ATP1A4: variants seen among roughly 807,000 people sequenced by gnomAD.
The protein encoded by ATP1A4 is sodium/potassium-transporting ATPase subunit alpha-4.
ATP1A4 carries 90 observed loss-of-function variants against 114.3 expected under a neutral mutation model. The observed-to-expected ratio is 0.79, with a 90% CI of 0.66 to 0.94. The LOEUF (loss-of-function observed/expected upper bound fraction) is 0.94. ATP1A4 is among the 40% of genes least tolerant of loss of function. The pLI, the probability that ATP1A4 is intolerant of heterozygous loss-of-function variation, is 0.00. For missense variants in ATP1A4, 1,222 were observed against 1,313.6 expected (o/e 0.93, Z 1.08); for synonymous variants, 511 against 494.1 (o/e 1.03, Z -0.45).
chr1:160,177,278 T>A, intron 17 of ATP1A4: 2 of 468,288 alleles, frequency 4.3e-6, no homozygotes, highest in Non-Finnish European at 7.5e-6. Context: ...TTTAAGACCA[T>A]GTGATTCAAA....
intron 2 of ATP1A4, 99 bp from the exon 3 acceptor site, chr1:160,154,946 T>C: frequency 8.6e-7 from 1 of 1,163,304 alleles, no homozygotes; most frequent in Non-Finnish European, 1.3e-6. Context: ...GTCTTTAGTC[T>C]CTAGACCCAT....
Position 160,182,016 on chromosome 1 carries a change from G to GAATGTACCCACTCA in ATP1A4, c.2956_2969dup (p.Ile991CysfsTer6), listed in dbSNP as rs1387106312. 1.9e-6 allele frequency: 3 copies of GAATGTACCCACTCA among 1,613,776 alleles called. No individual in the cohort carries two copies. The African/African-American group carries it at 4.0e-5, about 22-fold the overall frequency. ...ACTCCAGGCATGGACGTGGCCCTGC[G>GAATGTACCCACTCA]AATGTACCCACTCAAGTGAGTAAGG... On this transcript the variant is annotated frameshift_variant, in exon 20 of 22. Transcript: ENST00000368081. LOFTEE classifies it high-confidence loss of function.
intron 10 of ATP1A4, 92 bp downstream of exon 10, chr1:160,167,504 T>C: frequency 1.3e-6 from 2 of 1,543,338 alleles, no homozygotes; most frequent in Non-Finnish European, 1.8e-6. Context: ...CAACTTCACC[T>C]CGGAGAAGCA....
At position 160,180,921 on chromosome 1, in the gene ATP1A4, A is replaced by G. The variant is rs1044219939; in HGVS notation, c.2737-763A>G. Reference sequence around the variant, plus strand: ...AGTAGAGACGGGGTTTCATTGTGTTAGCCAGGATGGTCTTGATCTCCTGAC... The same window carrying G: ...AGTAGAGACGGGGTTTCATTGTGTTGGCCAGGATGGTCTTGATCTCCTGAC... On this transcript the variant is annotated intron_variant, in intron 18 of 21. Coordinates refer to ENST00000368081, the MANE Select transcript of ATP1A4 (RefSeq NM_144699.4). Among the ~76,000 whole-genome samples the G allele has an allele frequency of 2.4e-4, 36 of 151,536 alleles. 1 individual carries two copies. The highest frequency in any genetic ancestry group is 1.5e-5 in the Non-Finnish European group (1 of 67,904).
intron 6 of ATP1A4, among the ~76,000 whole-genome samples, chr1:160,160,863 T>C (rs1652842682): frequency 6.6e-6 from 1 of 152,180 alleles, no homozygotes; most frequent in South Asian, 2.1e-4. Flanking sequence ...ATATTAAAAA[T>C]GTTTTAAAAT....
intron 17 of ATP1A4, 77 bp from the exon 18 acceptor site, chr1:160,177,442 C>T: frequency 1.3e-6 from 2 of 1,538,640 alleles, no homozygotes; most frequent in Non-Finnish European, 1.8e-6. Flanking sequence ...GTCCCAGCCC[C>T]CAGCCCTCCC....
Position 160,176,094 on chromosome 1 carries a change from C to T in ATP1A4, c.2314C>T (p.Arg772Cys), listed in dbSNP as rs771145204. The T allele has an allele frequency of 9.9e-6, 16 of 1,613,944 alleles. No homozygotes were observed. Among genetic ancestry groups the T allele is most frequent in the Admixed American group, 6.7e-5 (4 of 59,996 alleles). ...ASIVTGVEEGRLIFDNLKKSI... is the reference protein window; with the variant it reads ...ASIVTGVEEGCLIFDNLKKSI... ...AGGAGGTTGACCTTCCTCCCCAGGC[C>T]GCCTGATCTTTGACAACCTGAAGAA... The change falls in exon 16 of 22, where the codon CGC becomes TGC. Residue 772 changes from arginine (R) to cysteine (C), a missense_variant and splice_region_variant. Transcript: ENST00000368081.
intron 6 of ATP1A4, among the ~76,000 whole-genome samples, chr1:160,163,219 CCAA>C (rs1652918832): frequency 6.6e-6 from 1 of 152,078 alleles, no homozygotes; most frequent in South Asian, 2.1e-4. Flanking sequence ...ACTTCTGTGT[CCAA>C]CATGTGTAGA....
chr1:160,186,092 A>AAAAAAAAAAAAAAAAAAAAC (rs1653881180), intron 20 of ATP1A4, among the ~76,000 whole-genome samples, 184 bp from the exon 21 acceptor site: 1 of 146,480 alleles, frequency 6.8e-6, no homozygotes. Context: ...GTCGCAAAAA[A>AAAAAAAAAAAAAAAAAAAAC]AAAAAAAAAA....
chr1:160,186,424 C>T lies in ATP1A4; in HGVS notation c.3061+57C>T. 4.4e-6 allele frequency: 6 copies of T among 1,363,478 alleles called. No homozygotes were observed. The South Asian group carries it at 7.4e-5, about 17-fold the overall frequency. The allele number at this position is 1,363,478 out of a possible 1,614,324, so 84.5% of individuals were successfully genotyped here. A position where few individuals can be genotyped will look rare whatever the true frequency, so the allele number is the denominator to read the frequency against. On this transcript the variant is annotated intron_variant, in intron 21 of 21. Transcript: ENST00000368081. ...GTGGTCACCAGCCCCCTCACTAGCT[C>T]TCCCATCCCACCTAGTCCCTCCAGA... is the stretch of plus-strand genomic sequence containing the variant.
intron 2 of ATP1A4, among the ~76,000 whole-genome samples, chr1:160,154,475 C>A (rs1473537169): frequency 2.0e-5 from 3 of 152,064 alleles, no homozygotes; most frequent in African/African-American, 7.2e-5. Flanking sequence ...ATTTAGGATA[C>A]CCATAACCTC....
rs750442801 is a variant in ATP1A4 at position 160,171,290 on chromosome 1, G to A, written c.1531G>A (p.Val511Ile). 5.6e-6 allele frequency: 9 copies of A among 1,613,946 alleles called. No individual in the cohort carries two copies. Among genetic ancestry groups the A allele is most frequent in the South Asian group, 3.3e-5 (3 of 91,068 alleles). Residue 511 changes from valine (V) to isoleucine (I), a missense_variant, in exon 11 of 22, where the codon GTA becomes ATA. By Grantham distance (29) the Val-to-Ile change is conservative (BLOSUM62 3). Transcript: ENST00000368081. ...HLREDSSQTHVLMMKGAPERI... is the reference protein window; with the variant it reads ...HLREDSSQTHILMMKGAPERI... The stretch of plus-strand genomic sequence containing the variant: ...TCGGGAGGACAGCTCCCAGACCCAC[G>A]TACTGATGATGAAGGGTGCTCCGGA...
intron 2 of ATP1A4, 141 bp downstream of exon 2, chr1:160,153,365 C>T: frequency 4.4e-6 from 3 of 674,796 alleles, no homozygotes; most frequent in Middle Eastern, 4.1e-4. Context: ...GGCCACGTTC[C>T]ATGGACACTA....
intron 18 of ATP1A4, among the ~76,000 whole-genome samples, chr1:160,179,519 T>C (rs1234223568): frequency 6.6e-6 from 1 of 152,258 alleles, no homozygotes; most frequent in Non-Finnish European, 1.5e-5. Flanking sequence ...TACAAAGGCG[T>C]GTCCGTGTCT....
At chr1:160,175,380 C>A (rs1226573798) in intron 15 of ATP1A4, among the ~76,000 whole-genome samples, 2 of 151,986 alleles carry the variant, frequency 1.3e-5, no homozygotes, top group East Asian at 3.9e-4. Flanking sequence ...ATAATCCTGA[C>A]ACTTTGCTTG....
chr1:160,159,300 AG>A, intron 5 of ATP1A4, 108 bp from the exon 6 acceptor site: 1 of 1,349,236 alleles, frequency 7.4e-7, no homozygotes, highest in Non-Finnish European at 1.0e-6. Flanking sequence ...TGTTTCTCTC[AG>A]TCTGTCAGTG....
intron 20 of ATP1A4, among the ~76,000 whole-genome samples, chr1:160,183,670 A>G (rs73025579): frequency 0.013 from 1,966 of 152,322 alleles, 54 homozygotes; most frequent in African/African-American, 0.043. Flanking sequence ...TGTACTGTCC[A>G]ATACAGTGGC....
At chr1:160,175,776 C>T (rs538789538) in intron 15 of ATP1A4, among the ~76,000 whole-genome samples, 24 of 152,216 alleles carry the variant, frequency 1.6e-4, no homozygotes, top group African/African-American at 5.1e-4. Context: ...TGTTTCCATT[C>T]CAGCCTTAAT....
At chr1:160,162,417 G>C (rs1652894146) in intron 6 of ATP1A4, among the ~76,000 whole-genome samples, 1 of 152,176 alleles carries the variant, frequency 6.6e-6, no homozygotes, top group Non-Finnish European at 1.5e-5. Flanking sequence ...AGAGGAAAGA[G>C]GGACCTCATA....
Sources: gnomAD v4.1 joint callset for allele counts (sites outside exome capture counted in the v4.1 genomes callset) on GRCh38, gnomAD v4.1.1 for gene constraint, MANE v1.5 for transcripts, NCBI Gene and HGNC (gene_info 2026-07-23, HGNC 2026-07-21) for gene names.